The following LUZP2 variants were observed in gnomAD, a reference collection of about 807,000 sequenced individuals.
LUZP2 encodes leucine zipper protein 2.
In LUZP2, 52 loss-of-function variants were observed where a neutral mutation model predicts 51.6. The ratio of observed to expected loss-of-function variants is 1.01; its 90% CI spans 0.81 to 1.27. LUZP2 has a LOEUF of 1.27. Among genes scored for constraint, LUZP2 ranks in the 50% most tolerant of loss-of-function variants. The pLI is 0.00. For missense variants in LUZP2, 436 were observed against 395.4 expected, an observed-to-expected ratio of 1.10 and a Z score of -0.87; for synonymous variants, 154 against 137.3, an observed-to-expected ratio of 1.12 and a Z score of -0.85.
intron 7 of LUZP2, among the ~76,000 whole-genome samples, chr11:24,966,373 G>C (rs1363633658): frequency 2.0e-5 from 3 of 150,860 alleles, no homozygotes; most frequent in Non-Finnish European, 4.4e-5. Flanking sequence ...CATTCTCTCT[G>C]TAGTGTCTAT....
Position 24,582,299 on chromosome 11 carries a change from ATTTTTTTTT to A in LUZP2, c.62+85012_62+85020del, listed in dbSNP as rs67262111. Among the ~76,000 whole-genome samples, 84 of 54,554 alleles carry A rather than the reference ATTTTTTTTT, an allele frequency of 1.5e-3. 1 individual carries two copies. The highest frequency in any genetic ancestry group is 9.8e-3 in the South Asian group (10 of 1,016). The allele number at this position is 54,554 out of a possible 152,430, so 35.8% of individuals were successfully genotyped here. ...TGTGGCTCTCTGTAATCCCTAGCTG[ATTTTTTTTT>A]TTTTTTTTTTTTTTTTTGCTGAGGG... On this transcript the variant is annotated intron_variant, in intron 1 of 11. Coordinates refer to ENST00000336930, the MANE Select transcript of LUZP2 (RefSeq NM_001009909.4).
rs370697765 is a variant in LUZP2 at position 24,927,770 on chromosome 11, G to C, written c.522+13232G>C. ...TTTAGAAATTTTTTTCTACTTTTGT[G>C]AAGAATGATGGTGGTATTTTGATGG... On this transcript the variant is annotated intron_variant, in intron 7 of 11. Coordinates refer to ENST00000336930, the MANE Select transcript of LUZP2 (RefSeq NM_001009909.4). Among the ~76,000 whole-genome samples the C allele has an allele frequency of 5.3e-5, 8 of 152,040 alleles. No homozygotes were observed. In the East Asian group the frequency reaches 5.8e-4, roughly 11 times the overall value.
chr11:25,009,084 C>T (rs1025984587), intron 9 of LUZP2, among the ~76,000 whole-genome samples: 5 of 152,146 alleles, frequency 3.3e-5, no homozygotes, highest in East Asian at 3.9e-4. Flanking sequence ...AAAAACTTTT[C>T]AGTCTTTGCC....
chr11:24,671,278 A>G (rs1242489953), intron 1 of LUZP2, among the ~76,000 whole-genome samples: 3 of 151,844 alleles, frequency 2.0e-5, no homozygotes, highest in Non-Finnish European at 4.4e-5. Flanking sequence ...CAGCAGTTTT[A>G]GCAGTTTTTT....
At chr11:24,714,990 T>A (rs1403556201) in intron 1 of LUZP2, among the ~76,000 whole-genome samples, 2 of 152,154 alleles carry the variant, frequency 1.3e-5, no homozygotes, top group Non-Finnish European at 2.9e-5. Context: ...ATCAGCCTTT[T>A]GAGAAACAGA....
At chr11:24,723,506 TCAC>T (rs1389124094) in intron 1 of LUZP2, among the ~76,000 whole-genome samples, 3 of 152,196 alleles carry the variant, frequency 2.0e-5, no homozygotes, top group Non-Finnish European at 4.4e-5. Flanking sequence ...GTACAGTTAT[TCAC>T]CACTACACTA....
intron 7 of LUZP2, among the ~76,000 whole-genome samples, chr11:24,954,318 C>T (rs1180808741): frequency 2.0e-5 from 3 of 152,042 alleles, no homozygotes; most frequent in Non-Finnish European, 4.4e-5. Context: ...TTATCTGTCT[C>T]TTGTGCCAGT....
intron 1 of LUZP2, among the ~76,000 whole-genome samples, chr11:24,720,780 G>A (rs1858237164): frequency 6.6e-6 from 1 of 152,244 alleles, no homozygotes; most frequent in South Asian, 2.1e-4. Context: ...CTTACCGCAA[G>A]CTCTGCCTCC....
chr11:25,038,577 A>T (rs1857935406), intron 9 of LUZP2, among the ~76,000 whole-genome samples: 1 of 152,208 alleles, frequency 6.6e-6, no homozygotes, highest in Admixed American at 6.5e-5. Flanking sequence ...GCTTTCTTGA[A>T]CTGAGTTTCG....
intron 1 of LUZP2, among the ~76,000 whole-genome samples, chr11:24,574,116 C>G (rs181043472): frequency 2.0e-5 from 3 of 150,856 alleles, no homozygotes; most frequent in African/African-American, 7.3e-5. Context: ...TTAATCCCTT[C>G]CTTCTTCCTT....
chr11:24,665,082 C>T (rs1856169093), intron 1 of LUZP2, among the ~76,000 whole-genome samples: 1 of 152,170 alleles, frequency 6.6e-6, no homozygotes, highest in Non-Finnish European at 1.5e-5. Flanking sequence ...CATGGCTGTA[C>T]CCTGAAAAGC....
chr11:24,696,848 C>T (rs1857265194), intron 1 of LUZP2, among the ~76,000 whole-genome samples: 1 of 151,918 alleles, frequency 6.6e-6, no homozygotes, highest in Admixed American at 6.6e-5. Context: ...TGTAGATGAT[C>T]TCTTTGATGA....
chr11:25,077,498 TTTTA>T (rs1859345540), intron 11 of LUZP2, 92 bp downstream of exon 11: 1 of 477,032 alleles, frequency 2.1e-6, no homozygotes. Context: ...ATTTTTTATT[TTTTA>T]TTTATTTATT....
At chr11:24,568,352 T>TTA (rs1236296436) in intron 1 of LUZP2, among the ~76,000 whole-genome samples, 2 of 55,720 alleles carry the variant, frequency 3.6e-5, no homozygotes, top group African/African-American at 1.2e-4. Flanking sequence ...AGAATCTGTC[T>TTA]CAGAAAAAAA....
intron 1 of LUZP2, among the ~76,000 whole-genome samples, chr11:24,674,192 G>C (rs1856478015): frequency 6.6e-6 from 1 of 151,864 alleles, no homozygotes; most frequent in African/African-American, 2.4e-5. Context: ...TTTTACCATG[G>C]GCCTCTTGAA....
intron 9 of LUZP2, among the ~76,000 whole-genome samples, chr11:25,032,327 AAT>A (rs1375095540): frequency 6.6e-6 from 1 of 152,194 alleles, no homozygotes; most frequent in Non-Finnish European, 1.5e-5. Context: ...GTAGGAAACT[AAT>A]AACGCTGGTA....
chr11:24,801,330 T>G (rs1331133591), intron 5 of LUZP2, among the ~76,000 whole-genome samples: 1 of 152,094 alleles, frequency 6.6e-6, no homozygotes, highest in Admixed American at 6.6e-5. Context: ...TTCTGAATGC[T>G]CCATTAAAGA....
intron 1 of LUZP2, among the ~76,000 whole-genome samples, chr11:24,582,349 TAATAGAAATAAATAGAGAGATG>T (rs974585359): frequency 1.2e-4 from 15 of 128,228 alleles, no homozygotes; most frequent in Admixed American, 6.0e-4. Flanking sequence ...TCTGAGAGAT[TAATAGAAATAAATAGAGAGATG>T]AATAGAAATA....
chr11:24,845,007 A>G (rs996615428), intron 5 of LUZP2, among the ~76,000 whole-genome samples: 1 of 152,126 alleles, frequency 6.6e-6, no homozygotes, highest in African/African-American at 2.4e-5. Flanking sequence ...CCCCCACACA[A>G]AGTCCCTATT....
Sources: gnomAD v4.1 joint callset for allele counts (sites outside exome capture counted in the v4.1 genomes callset) on GRCh38, gnomAD v4.1.1 for gene constraint, MANE v1.5 for transcripts, NCBI Gene and HGNC (gene_info 2026-07-23, HGNC 2026-07-21) for gene names.